XXYLT1: variants seen among roughly 807,000 people sequenced by gnomAD.
XXYLT1 encodes the protein UDP-xylose:alpha-xyloside alpha-1,3-xylosyltransferase.
XXYLT1 carries 20 observed loss-of-function variants against 28.9 expected under a neutral mutation model. The observed-to-expected ratio is 0.69, with a 90% CI of 0.49 to 1.00. XXYLT1 has a LOEUF of 1.00. Ranked by LOEUF, XXYLT1 falls within the 50% of genes least tolerant of loss-of-function variation. The pLI, the probability that XXYLT1 is intolerant of heterozygous loss-of-function variation, is 0.00. For missense variants in XXYLT1, 542 were observed against 560.1 expected (o/e 0.97, Z 0.33); for synonymous variants, 257 against 253.8 (o/e 1.01, Z -0.12).
chr3:195,184,595 C>T, intron 2 of XXYLT1: 3 of 985,010 alleles, frequency 3.0e-6, no homozygotes, highest in Non-Finnish European at 3.6e-6. Context: ...AAGAACCCCC[C>T]CAAGAAACAT....
rs1011138986 is a variant in XXYLT1 at position 195,210,019 on chromosome 3, G to C, written c.652+16690C>G. On this transcript the variant is annotated intron_variant, in intron 2 of 3. Coordinates refer to ENST00000310380, the MANE Select transcript of XXYLT1 (RefSeq NM_152531.5). This position sits in a 1 kb window ranked among gnomAD's most constrained non-coding sequence, Gnocchi z 4.8. ...AGGCGGCTTGGCAAACACACCAGAG[G>C]GACACACAGGGATCTGACACCATCT... is the stretch of plus-strand genomic sequence containing the variant. Among the ~76,000 whole-genome samples, 2 of 152,114 alleles carry C rather than the reference G, an allele frequency of 1.3e-5. No individual in the cohort carries two copies. The highest frequency in any genetic ancestry group is 4.8e-5 in the African/African-American group (2 of 41,408).
At chr3:195,126,689 C>T (rs979312762) in intron 3 of XXYLT1, among the ~76,000 whole-genome samples, 14 of 152,192 alleles carry the variant, frequency 9.2e-5, no homozygotes, top group South Asian at 6.2e-4. Context: ...CTGGAGGGCT[C>T]CTCCTCCTTC....
chr3:195,155,076 T>TGGG (rs946311335), intron 3 of XXYLT1, among the ~76,000 whole-genome samples: 13 of 152,224 alleles, frequency 8.5e-5, no homozygotes, highest in South Asian at 2.1e-4. Flanking sequence ...CCAGTGACTC[T>TGGG]GGGGCCACAC....
chr3:195,110,096 GTGTGTGGTGTATGTGTGCA>G lies in XXYLT1; in HGVS notation c.786-40004_786-39986del, dbSNP rs1204229095. Among the ~76,000 whole-genome samples, 2 of 63,362 alleles carry G rather than the reference GTGTGTGGTGTATGTGTGCA, an allele frequency of 3.2e-5. 1 individual carries two copies. The allele number at this position is 63,362 out of a possible 152,430, so 41.6% of individuals were successfully genotyped here. ...TGGTGTGTGTGGTGTATGAGTGTGCGTGTGTGGTGTATGTGTGCATGTGTGGTGTGTGTGTGTGTGGTGT... is the reference window on the plus strand; with the variant it reads ...TGGTGTGTGTGGTGTATGAGTGTGCGTGTGTGGTGTGTGTGTGTGTGGTGT... On this transcript the variant is annotated intron_variant, in intron 3 of 3. Transcript: ENST00000310380.
At chr3:195,201,202 CGA>C (rs907024874) in intron 2 of XXYLT1, among the ~76,000 whole-genome samples, 1 of 152,178 alleles carries the variant, frequency 6.6e-6, no homozygotes, top group Non-Finnish European at 1.5e-5. Context: ...CACTGGACTT[CGA>C]GTTCCTCTGT....
At chr3:195,247,347 T>C (rs145163245) in intron 1 of XXYLT1, among the ~76,000 whole-genome samples, 1 of 152,348 alleles carries the variant, frequency 6.6e-6, no homozygotes, top group African/African-American at 2.4e-5. Flanking sequence ...TTGTCCTTTT[T>C]TCGTGTGGGA....
chr3:195,185,758 A>G (rs1352363806), intron 2 of XXYLT1, among the ~76,000 whole-genome samples: 1 of 148,430 alleles, frequency 6.7e-6, no homozygotes, highest in Non-Finnish European at 1.5e-5. Flanking sequence ...GTCCTTCCTG[A>G]GTGCTTGCAA....
At chr3:195,141,939 T>C (rs1719515092) in intron 3 of XXYLT1, among the ~76,000 whole-genome samples, 1 of 152,252 alleles carries the variant, frequency 6.6e-6, no homozygotes, top group Non-Finnish European at 1.5e-5. Context: ...TTTTTAGGCA[T>C]TGTGAACCAA....
chr3:195,112,621 G>GCA (rs1336035058), intron 3 of XXYLT1, among the ~76,000 whole-genome samples: 1 of 92,648 alleles, frequency 1.1e-5, no homozygotes, highest in Non-Finnish European at 2.8e-5. Flanking sequence ...GCACACATGT[G>GCA]CACACACACA....
rs1469891843 is a variant in XXYLT1, at chr3:195,257,886, C to G, written c.504+12669G>C. ...CCACGTATCATGGGTGTATATCCTC[C>G]AAGCTCCCTGCCCCCCAGCCAGCCT... On this transcript the variant is annotated intron_variant, in intron 1 of 3. Transcript: ENST00000310380. This position sits in a 1 kb window ranked among gnomAD's most constrained non-coding sequence, Gnocchi z 4.3. Among the ~76,000 whole-genome samples, 1 of 152,098 alleles carries G rather than the reference C, an allele frequency of 6.6e-6. No homozygotes were observed. Among genetic ancestry groups the G allele is most frequent in the Non-Finnish European group, 1.5e-5 (1 of 68,004 alleles).
intron 1 of XXYLT1, chr3:195,247,883 T>C (rs1173399447): frequency 4.3e-6 from 3 of 690,290 alleles, no homozygotes; most frequent in Admixed American, 2.0e-5. Flanking sequence ...CTACACACTT[T>C]CAAACAGCAG....
At chr3:195,263,489 CG>C (rs1422466836) in intron 1 of XXYLT1, among the ~76,000 whole-genome samples, 1 of 152,172 alleles carries the variant, frequency 6.6e-6, no homozygotes, top group East Asian at 1.9e-4. Context: ...CTCTCACTCA[CG>C]GCACTGGATG....
At chr3:195,145,437 C>T (rs1719787571) in intron 3 of XXYLT1, among the ~76,000 whole-genome samples, 1 of 145,682 alleles carries the variant, frequency 6.9e-6, no homozygotes, top group African/African-American at 2.6e-5. Context: ...TCCACGGTGA[C>T]TGGCACTGAT....
intron 2 of XXYLT1, among the ~76,000 whole-genome samples, chr3:195,174,330 A>G (rs1236692997): frequency 6.6e-6 from 1 of 152,044 alleles, no homozygotes; most frequent in East Asian, 1.9e-4. Flanking sequence ...GACTTCCCAC[A>G]GTTGGCAATT....
chr3:195,222,406 C>A (rs898392755), intron 2 of XXYLT1, among the ~76,000 whole-genome samples: 1 of 152,204 alleles, frequency 6.6e-6, no homozygotes, highest in South Asian at 2.1e-4. Flanking sequence ...AGGCTTAGAA[C>A]TGTACAGACA....
chr3:195,257,818 G>A lies in XXYLT1; in HGVS notation c.504+12737C>T, dbSNP rs1226536594. On this transcript the variant is annotated intron_variant, in intron 1 of 3. Transcript: ENST00000310380. This position sits in a 1 kb window ranked among gnomAD's most constrained non-coding sequence, Gnocchi z 4.3. ...ACAGAGCCAGTCTGTGGCTCCAGCTGCCTGAGTTCCCTCATCTCTAAGGTG... is the reference window on the plus strand; with the variant it reads ...ACAGAGCCAGTCTGTGGCTCCAGCTACCTGAGTTCCCTCATCTCTAAGGTG... 6.6e-6 allele frequency among the ~76,000 whole-genome samples: 1 copy of A among 152,054 alleles called. No homozygotes were observed. Among genetic ancestry groups the A allele is most frequent in the Admixed American group, 6.6e-5 (1 of 15,262 alleles).
chr3:195,111,827 T>C (rs1183331252), intron 3 of XXYLT1, among the ~76,000 whole-genome samples: 1 of 152,134 alleles, frequency 6.6e-6, no homozygotes, highest in Non-Finnish European at 1.5e-5. Context: ...TTTTCAAAAA[T>C]AGGAACTCAA....
intron 1 of XXYLT1, among the ~76,000 whole-genome samples, chr3:195,239,027 C>T (rs561563779): frequency 1.3e-5 from 2 of 152,356 alleles, no homozygotes; most frequent in East Asian, 3.9e-4. Context: ...ACAACTGCAT[C>T]CCATCAGCAT....
At chr3:195,201,219 A>T (rs748634327) in intron 2 of XXYLT1, among the ~76,000 whole-genome samples, 1 of 152,202 alleles carries the variant, frequency 6.6e-6, no homozygotes, top group Non-Finnish European at 1.5e-5. Flanking sequence ...CTCTGTGAAG[A>T]GAGTGTCTAA....
Sources: allele counts gnomAD v4.1 joint callset (sites outside exome capture counted in the v4.1 genomes callset), GRCh38; gene constraint gnomAD v4.1.1; non-coding constraint Gnocchi (gnomAD v3.1); transcripts MANE v1.5; gene names NCBI Gene and HGNC (gene_info 2026-07-23, HGNC 2026-07-21).